The following SH3PXD2A variants were observed in gnomAD, a reference collection of about 807,000 sequenced individuals.
SH3PXD2A encodes SH3 and PX domains 2A.
SH3PXD2A carries 32 observed loss-of-function variants against 115.2 expected under a neutral mutation model. The observed-to-expected ratio is 0.28, with a 90% CI of 0.21 to 0.37. SH3PXD2A has a LOEUF of 0.37. Among genes scored for constraint, SH3PXD2A ranks in the 10% least tolerant of loss-of-function variants. SH3PXD2A has a pLI of 1.00. For missense variants in SH3PXD2A, 1,328 were observed against 1,498.7 expected, an observed-to-expected ratio of 0.89 and a Z score of 1.88; for synonymous variants, 610 against 629.1, an observed-to-expected ratio of 0.97 and a Z score of 0.45.
chr10:103,833,167 C>T (rs2060927280), intron 1 of SH3PXD2A, among the ~76,000 whole-genome samples: 1 of 152,180 alleles, frequency 6.6e-6, no homozygotes, highest in African/African-American at 2.4e-5. Flanking sequence ...AACCAGGAAG[C>T]CCTTTATGTT....
chr10:103,841,367 A>G (rs2039596496), intron 1 of SH3PXD2A, among the ~76,000 whole-genome samples: 1 of 152,170 alleles, frequency 6.6e-6, no homozygotes, highest in Admixed American at 6.5e-5. Context: ...AATAATGTTC[A>G]GCCAGTGAAG....
chr10:103,748,485 ATGCTGGCACTG>A (rs1056252801), intron 3 of SH3PXD2A, among the ~76,000 whole-genome samples: 7 of 152,272 alleles, frequency 4.6e-5, no homozygotes, highest in African/African-American at 1.4e-4. Flanking sequence ...TCCCTCCCAA[ATGCTGGCACTG>A]TGCTGGGGGC....
intron 3 of SH3PXD2A, among the ~76,000 whole-genome samples, chr10:103,743,262 A>G (rs1382077003): frequency 2.0e-5 from 3 of 152,098 alleles, no homozygotes; most frequent in African/African-American, 7.2e-5. Flanking sequence ...ACCATTAAAA[A>G]CAAAACACAA....
At position 103,784,723 on chromosome 10, in the gene SH3PXD2A, A is replaced by G. The variant is rs2038964742; in HGVS notation, c.153+16559T>C. On this transcript the variant is annotated intron_variant, in intron 2 of 14. Transcript: ENST00000369774. This position sits in a 1 kb window ranked among gnomAD's most constrained non-coding sequence, Gnocchi z 4.4. ...ATGGGTCTGCTGGGGTGGAGGAGGAAGAAGAGGAAAAGAAAGGGGAGGAGG... is the reference window on the plus strand; with the variant it reads ...ATGGGTCTGCTGGGGTGGAGGAGGAGGAAGAGGAAAAGAAAGGGGAGGAGG... 6.6e-6 allele frequency among the ~76,000 whole-genome samples: 1 copy of G among 151,272 alleles called. No homozygotes were observed.
rs1486831455 is a variant in SH3PXD2A at position 103,660,863 on chromosome 10, C to A, written c.604+120G>T. 1.2e-5 allele frequency: 14 copies of A among 1,181,680 alleles called. No individual in the cohort carries two copies. In the East Asian group the frequency reaches 2.6e-4, roughly 22 times the overall value. The allele number at this position is 1,181,680 out of a possible 1,614,324, so 73.2% of individuals were successfully genotyped here. A position where few individuals can be genotyped will look rare whatever the true frequency, so the allele number is the denominator to read the frequency against. ...GAAACTTCAGCCGCCTCGGCCCTCT[C>A]TCTGCCAGATGGAAATAACGTATAG... On this transcript the variant is annotated intron_variant, in intron 8 of 14. Transcript: ENST00000369774.
chr10:103,755,787 C>G (rs1298135387), intron 3 of SH3PXD2A, among the ~76,000 whole-genome samples: 2 of 152,234 alleles, frequency 1.3e-5, no homozygotes, highest in Non-Finnish European at 2.9e-5. Context: ...TGGAAGTTCT[C>G]TCTGAGATCC....
chr10:103,748,132 G>A (rs959095751), intron 3 of SH3PXD2A, among the ~76,000 whole-genome samples: 8 of 152,182 alleles, frequency 5.3e-5, no homozygotes, highest in African/African-American at 1.9e-4. Context: ...GCCCTGTGCC[G>A]TGTACTTTAT....
intron 9 of SH3PXD2A, 95 bp from the exon 10 acceptor site, chr10:103,622,648 G>A: frequency 3.6e-6 from 2 of 555,478 alleles, no homozygotes; most frequent in Non-Finnish European, 6.7e-6. Context: ...GGAGGAAGGG[G>A]CACAGGGAGG....
intron 1 of SH3PXD2A, among the ~76,000 whole-genome samples, chr10:103,825,965 A>G (rs1037989493): frequency 1.3e-5 from 2 of 152,098 alleles, no homozygotes; most frequent in Non-Finnish European, 1.5e-5. Context: ...GGGTTTCACC[A>G]TGTTAGCCAG....
At chr10:103,637,123 C>T (rs960422249) in intron 8 of SH3PXD2A, among the ~76,000 whole-genome samples, 2 of 152,216 alleles carry the variant, frequency 1.3e-5, no homozygotes, top group Non-Finnish European at 2.9e-5. Flanking sequence ...GTGAACAACA[C>T]GCATCCGGGA....
At chr10:103,631,319 C>T (rs1029016015) in intron 8 of SH3PXD2A, among the ~76,000 whole-genome samples, 13 of 152,022 alleles carry the variant, frequency 8.6e-5, no homozygotes, top group Admixed American at 2.6e-4. Context: ...AAGTTAGGCA[C>T]AGGAGATTAA....
chr10:103,615,492 GTGT>G (rs1270137307), intron 11 of SH3PXD2A, among the ~76,000 whole-genome samples: 1 of 65,138 alleles, frequency 1.5e-5, no homozygotes, highest in Non-Finnish European at 3.2e-5. Flanking sequence ...GGGTGTGTGT[GTGT>G]GTGTGTGTGT....
At chr10:103,793,398 G>A (rs1432030825) in intron 2 of SH3PXD2A, among the ~76,000 whole-genome samples, 1 of 152,116 alleles carries the variant, frequency 6.6e-6, no homozygotes, top group Non-Finnish European at 1.5e-5. Context: ...TGTTCAGAAT[G>A]TTTCTTGGAG....
rs531464728 is a variant in SH3PXD2A, at chr10:103,701,839, A to G, written c.399-8783T>C. 2.3e-3 allele frequency among the ~76,000 whole-genome samples: 331 copies of G among 146,862 alleles called. 2 individuals carry two copies. Among genetic ancestry groups the G allele is most frequent in the Non-Finnish European group, 3.6e-3 (242 of 67,240 alleles). On this transcript the variant is annotated intron_variant, in intron 5 of 14. Transcript: ENST00000369774. ...TCCATCTGTCCATCATCTATCTACC[A>G]TCTATCCATCCACCATCCATTTACC...
intron 8 of SH3PXD2A, among the ~76,000 whole-genome samples, chr10:103,637,678 G>A (rs1228572626): frequency 6.6e-6 from 1 of 152,174 alleles, no homozygotes; most frequent in Non-Finnish European, 1.5e-5. Context: ...CAAGTTCTTT[G>A]CTTGGTGCGG....
At chr10:103,778,379 A>G (rs1344699932) in intron 2 of SH3PXD2A, among the ~76,000 whole-genome samples, 1 of 152,174 alleles carries the variant, frequency 6.6e-6, no homozygotes, top group Non-Finnish European at 1.5e-5. Flanking sequence ...GCTTTAACAC[A>G]GGCCAGGCAC....
chr10:103,679,615 G>T (rs1468452289), intron 6 of SH3PXD2A, among the ~76,000 whole-genome samples: 1 of 152,240 alleles, frequency 6.6e-6, no homozygotes, highest in African/African-American at 2.4e-5. Flanking sequence ...GAGCCAGCAG[G>T]CTCCAGGACT....
At position 103,674,754 on chromosome 10, in the gene SH3PXD2A, A is replaced by C. The variant is rs192533665; in HGVS notation, c.428-6102T>G. Reference sequence around the variant, plus strand: ...AAAATTGCTTGAACCTGGGAAGTGGAGCTTGCAGTGAGCTGAGATCACGCC... The same window carrying C: ...AAAATTGCTTGAACCTGGGAAGTGGCGCTTGCAGTGAGCTGAGATCACGCC... On this transcript the variant is annotated intron_variant, in intron 6 of 14. Coordinates refer to ENST00000369774, the MANE Select transcript of SH3PXD2A (RefSeq NM_001394015.1). 5.5e-4 allele frequency among the ~76,000 whole-genome samples: 83 copies of C among 152,282 alleles called. 1 individual carries two copies. In the East Asian group the frequency reaches 0.015, roughly 28 times the overall value.
Position 103,598,325 on chromosome 10 carries a change from C to G in SH3PXD2A, c.*3491G>C, listed in dbSNP as rs2133898160. The stretch of plus-strand genomic sequence containing the variant: ...CTCACTGCCCCCAAAGTCCCATGGC[C>G]TGGTGAGAATAGTGAGGAGGAGAGG... On this transcript the variant is annotated 3_prime_UTR_variant, in exon 15 of 15. Transcript: ENST00000369774. The G allele has an allele frequency of 6.6e-6, 1 of 152,618 alleles. No homozygotes were observed. Among genetic ancestry groups the G allele is most frequent in the East Asian group, 1.9e-4 (1 of 5,190 alleles). 9.5% of individuals were successfully genotyped at this position (152,618 alleles called of 1,614,324 possible).
Sources: gnomAD v4.1 joint callset for allele counts (sites outside exome capture counted in the v4.1 genomes callset) on GRCh38, gnomAD v4.1.1 for gene constraint, Gnocchi (gnomAD v3.1) non-coding constraint, MANE v1.5 for transcripts, NCBI Gene and HGNC (gene_info 2026-07-23, HGNC 2026-07-21) for gene names.